Variants in NOL4L observed in about 807,000 individuals in gnomAD.
The protein encoded by NOL4L is nucleolar protein 4-like.
NOL4L carries 7 observed loss-of-function variants against 64.5 expected under a neutral mutation model. The observed-to-expected ratio is 0.11, with a 90% CI of 0.06 to 0.20. The LOEUF (loss-of-function observed/expected upper bound fraction) is 0.20, where lower values mean the gene tolerates loss of function less well. NOL4L is among the 10% of genes least tolerant of loss of function. NOL4L has a pLI of 1.00. For synonymous variants in NOL4L, 413 were observed against 401.0 expected, an observed-to-expected ratio of 1.03 and a Z score of -0.36; for missense variants, 680 against 967.1, an observed-to-expected ratio of 0.70 and a Z score of 3.94.
At chr20:32,535,116 A>C (rs2018473857) in intron 1 of NOL4L, among the ~76,000 whole-genome samples, 1 of 152,050 alleles carries the variant, frequency 6.6e-6, no homozygotes, top group Admixed American at 6.6e-5. Context: ...ACCATCACCC[A>C]AACACCCAGA....
intron 3 of NOL4L, among the ~76,000 whole-genome samples, chr20:32,515,185 T>C (rs562859706): frequency 6.6e-6 from 1 of 152,044 alleles, no homozygotes; most frequent in Non-Finnish European, 1.5e-5. Context: ...TCTCCAGAGA[T>C]GAGAAACCAC....
intron 4 of NOL4L, among the ~76,000 whole-genome samples, chr20:32,478,782 G>A (rs1406312350): frequency 6.6e-6 from 1 of 152,138 alleles, no homozygotes; most frequent in Non-Finnish European, 1.5e-5. Context: ...GTAGAGACAA[G>A]GGCTCACTAT....
intron 1 of NOL4L, among the ~76,000 whole-genome samples, chr20:32,530,921 C>CA (rs561269935): frequency 0.019 from 2,766 of 142,574 alleles, 31 homozygotes; most frequent in African/African-American, 0.034. Flanking sequence ...AACTCCATCT[C>CA]AAAAAAAAAA....
At chr20:32,476,192 C>T (rs1002929518) in intron 4 of NOL4L, among the ~76,000 whole-genome samples, 4 of 116,168 alleles carry the variant, frequency 3.4e-5, no homozygotes, top group Non-Finnish European at 5.3e-5. Flanking sequence ...CTCACACACC[C>T]GGAGGGACAC....
intron 3 of NOL4L, among the ~76,000 whole-genome samples, chr20:32,516,798 G>A (rs527236428): frequency 1.3e-5 from 2 of 152,342 alleles, no homozygotes; most frequent in East Asian, 3.9e-4. Context: ...ACCACGCAGA[G>A]GAGTCTGGGC....
intron 1 of NOL4L, among the ~76,000 whole-genome samples, chr20:32,583,635 C>G (rs1291265238): frequency 1.3e-5 from 2 of 149,184 alleles, no homozygotes; most frequent in Non-Finnish European, 3.0e-5. Context: ...AGCAGCGCCC[C>G]GGGAGCGGCC....
intron 4 of NOL4L, among the ~76,000 whole-genome samples, chr20:32,505,846 A>C (rs1220927222): frequency 1.3e-5 from 2 of 152,250 alleles, no homozygotes; most frequent in Non-Finnish European, 2.9e-5. Flanking sequence ...AGCCAACTGC[A>C]CAGAGAGAAA....
chr20:32,561,452 G>A (rs1483560492), intron 1 of NOL4L, among the ~76,000 whole-genome samples: 2 of 152,234 alleles, frequency 1.3e-5, no homozygotes, highest in Non-Finnish European at 2.9e-5. Flanking sequence ...AGAAGCATCA[G>A]CTTCCAGAGC....
intron 9 of NOL4L, 50 bp from the exon 10 acceptor site, chr20:32,452,487 C>T (rs1393932902): frequency 2.0e-6 from 3 of 1,466,290 alleles, no homozygotes; most frequent in Non-Finnish European, 2.8e-6. Context: ...CAGCTGGCCC[C>T]AACTACCATC....
At position 32,584,785 on chromosome 20, in the gene NOL4L, C is replaced by T. The variant is rs1980783493; in HGVS notation, c.106G>A (p.Gly36Ser). ...QFRDWCLRTY[G>S]DSAKTKTVTR... Reference sequence around the variant, plus strand: ...ACCGTCTTGGTTTTGGCCGAGTCGCCGTAGGTGCGCAAGCACCAGTCCCGG... The same window carrying T: ...ACCGTCTTGGTTTTGGCCGAGTCGCTGTAGGTGCGCAAGCACCAGTCCCGG... Residue 36 changes from glycine to serine, a missense_variant, in exon 1 of 11, where the codon GGC becomes AGC. By Grantham distance (56) the Gly-to-Ser change is moderately conservative. Coordinates refer to ENST00000621426, the MANE Select transcript of NOL4L (RefSeq NM_001256798.2). 6.5e-7 allele frequency: 1 copy of T among 1,539,284 alleles called. No individual in the cohort carries two copies. Among genetic ancestry groups the T allele is most frequent in the Non-Finnish European group, 8.7e-7 (1 of 1,144,812 alleles).
chr20:32,511,310 C>T (rs771546434), intron 4 of NOL4L, 37 bp downstream of exon 4: 36 of 1,345,462 alleles, frequency 2.7e-5, no homozygotes, highest in Admixed American at 2.4e-4. Flanking sequence ...CAAGTCAGGA[C>T]GCCTCCAGGT....
intron 5 of NOL4L, among the ~76,000 whole-genome samples, chr20:32,459,959 T>C (rs1387047161): frequency 6.6e-6 from 1 of 152,168 alleles, no homozygotes; most frequent in Non-Finnish European, 1.5e-5. Context: ...ATGTGGATGA[T>C]AAAAACACGA....
In NOL4L at chr20:32,453,165, T is replaced by C. The variant is rs2013107994; in HGVS notation, c.1497+139A>G. 1 of 1,416,292 alleles carries C rather than the reference T, an allele frequency of 7.1e-7. No homozygotes were observed. Among genetic ancestry groups the C allele is most frequent in the Non-Finnish European group, 9.5e-7 (1 of 1,047,996 alleles). The allele number at this position is 1,416,292 out of a possible 1,614,324, so 87.7% of individuals were successfully genotyped here. A position where few individuals can be genotyped will look rare whatever the true frequency, so the allele number is the denominator to read the frequency against. On this transcript the variant is annotated intron_variant, in intron 8 of 10. Transcript: ENST00000621426. This position sits in a 1 kb window ranked among gnomAD's most constrained non-coding sequence, Gnocchi z 5.6. The stretch of plus-strand genomic sequence containing the variant: ...TCTTTCTGGGCCTTAGTTCCCTCAT[T>C]TGCAAACCAGGGATTATGGTACTTG...
intron 1 of NOL4L, among the ~76,000 whole-genome samples, chr20:32,540,077 ATTT>A (rs767000848): frequency 1.4e-4 from 22 of 152,004 alleles, no homozygotes; most frequent in Non-Finnish European, 3.1e-4. Context: ...GGGTGTGAAC[ATTT>A]TTTTCCATTT....
At chr20:32,560,286 G>A (rs969502037) in intron 1 of NOL4L, among the ~76,000 whole-genome samples, 9 of 152,202 alleles carry the variant, frequency 5.9e-5, no homozygotes, top group African/African-American at 2.2e-4. Context: ...TAATCCTCCC[G>A]ACAAGAGATG....
intron 1 of NOL4L, chr20:32,537,131 A>AG: frequency 3.0e-6 from 3 of 984,900 alleles, no homozygotes; most frequent in Non-Finnish European, 3.6e-6. Context: ...GCTCTCCTTC[A>AG]GGGAGCGCCC....
chr20:32,474,765 G>A (rs1464251716), intron 4 of NOL4L, 23 bp from the exon 5 acceptor site: 4 of 1,586,786 alleles, frequency 2.5e-6, no homozygotes. Context: ...AAAGAAGGTG[G>A]GCATTCAGCA....
At chr20:32,478,273 A>ACACACACACACACTCT (rs1373957221) in intron 4 of NOL4L, among the ~76,000 whole-genome samples, 36 of 143,424 alleles carry the variant, frequency 2.5e-4, no homozygotes, top group Middle Eastern at 3.5e-3. Flanking sequence ...ACACACACAC[A>ACACACACACACACTCT]CTCTCTCTCT....
Position 32,584,963 on chromosome 20 carries a change from T to C in NOL4L, c.-73A>G, listed in dbSNP as rs1053373694. 10 of 893,896 alleles carry C rather than the reference T, an allele frequency of 1.1e-5. No homozygotes were observed. The highest frequency in any genetic ancestry group is 1.4e-5 in the Non-Finnish European group (10 of 738,818). 55.4% of individuals were successfully genotyped at this position (893,896 alleles called of 1,614,324 possible). On this transcript the variant is annotated 5_prime_UTR_variant, in exon 1 of 11. Transcript: ENST00000621426. ...GCCCGGTGCCGGGACTGGGCTGGGCTGGGCTGGACCGGGCCGGGACGCGCC... is the reference window on the plus strand; with the variant it reads ...GCCCGGTGCCGGGACTGGGCTGGGCCGGGCTGGACCGGGCCGGGACGCGCC...
Sources: allele counts gnomAD v4.1 joint callset (sites outside exome capture counted in the v4.1 genomes callset), GRCh38; gene constraint gnomAD v4.1.1; non-coding constraint Gnocchi (gnomAD v3.1); transcripts MANE v1.5; gene names NCBI Gene and HGNC (gene_info 2026-07-23, HGNC 2026-07-21).